The following RELB variants were observed in gnomAD, a reference collection of about 807,000 sequenced individuals.
RELB encodes the protein transcription factor RelB.
A neutral mutation model predicts 55.4 loss-of-function variants in RELB; 14 were observed. The observed-to-expected ratio is 0.25, with a 90% CI of 0.17 to 0.40. The LOEUF (loss-of-function observed/expected upper bound fraction) is 0.40, where lower values mean the gene tolerates loss of function less well. Among genes scored for constraint, RELB ranks in the 10% least tolerant of loss-of-function variants. The probability of loss-of-function intolerance (pLI) is 1.00; values close to 1 mark genes in which losing one functional copy is unlikely to be tolerated. For synonymous variants in RELB, 409 were observed against 371.3 expected, an observed-to-expected ratio of 1.10 and a Z score of -1.17; for missense variants, 669 against 830.7, an observed-to-expected ratio of 0.81 and a Z score of 2.39.
chr19:45,024,092 C>T (rs565080276), intron 5 of RELB, among the ~76,000 whole-genome samples: 2 of 151,312 alleles, frequency 1.3e-5, no homozygotes, highest in Non-Finnish European at 2.9e-5. Flanking sequence ...CCACCCGCCT[C>T]GGCCTCCCAA....
Position 45,022,418 on chromosome 19 carries a change from T to G in RELB, c.662+208T>G, listed in dbSNP as rs567101000. On this transcript the variant is annotated intron_variant, in intron 5 of 11. Coordinates refer to ENST00000221452, the MANE Select transcript of RELB (RefSeq NM_006509.4). Reference sequence around the variant, plus strand: ...CACATATTCACATACATTTTATCCCTATTTTGTAGAGGAAGAAACTGAGGC... The same window carrying G: ...CACATATTCACATACATTTTATCCCGATTTTGTAGAGGAAGAAACTGAGGC... Among the ~76,000 whole-genome samples the G allele has an allele frequency of 1.5e-3, 222 of 152,202 alleles. 2 individuals are homozygous for G. The highest frequency in any genetic ancestry group is 5.0e-3 in the African/African-American group (208 of 41,546).
At chr19:45,019,286 C>T (rs1337472660) in intron 4 of RELB, among the ~76,000 whole-genome samples, 3 of 152,044 alleles carry the variant, frequency 2.0e-5, no homozygotes, top group Non-Finnish European at 4.4e-5. Context: ...TGGTCTTGAA[C>T]TCCTGTGCTG....
intron 5 of RELB, among the ~76,000 whole-genome samples, chr19:45,023,590 A>G (rs577753140): frequency 1.8e-4 from 27 of 150,934 alleles, no homozygotes; most frequent in African/African-American, 6.6e-4. Flanking sequence ...GGCGCCCACC[A>G]CCACACCCGG....
At position 45,011,793 on chromosome 19, in the gene RELB, TGTGTGAGAGAGA is replaced by T. The variant is rs1971357277; in HGVS notation, c.164-141_164-130del. The stretch of plus-strand genomic sequence containing the variant: ...GTGTGTGTGTGTGTGTGTGTGTGTG[TGTGTGAGAGAGA>T]GAGAGAGAGAGAGAGAGAGAGAGAG... On this transcript the variant is annotated intron_variant, in intron 3 of 11. Coordinates refer to ENST00000221452, the MANE Select transcript of RELB (RefSeq NM_006509.4). 1.3e-5 allele frequency: 3 copies of T among 228,078 alleles called. No individual in the cohort carries two copies. The African/African-American group carries it at 1.9e-4, about 14-fold the overall frequency. The allele number at this position is 228,078 out of a possible 1,614,324, so 14.1% of individuals were successfully genotyped here.
rs1239606493 is a variant in RELB at position 45,037,485 on chromosome 19, C to T, written c.1435C>T (p.Pro479Ser). The T allele has an allele frequency of 1.2e-6, 2 of 1,612,026 alleles. No individual in the cohort carries two copies. The highest frequency in any genetic ancestry group is 2.2e-5 in the East Asian group (1 of 44,846). Residue 479 changes from proline (P) to serine (S), a missense_variant, in exon 12 of 12, where the codon CCT (proline) becomes TCT (serine). This residue lies in a region of RELB where 341 missense variants were observed against 436.8 expected (regional missense o/e 0.78). Coordinates refer to ENST00000221452, the MANE Select transcript of RELB (RefSeq NM_006509.4). ...GTVSLPGLEP[P>S]GGPDLLDDGF... ...CGTGTCCCTGCCCGGCCTGGAGCCC[C>T]CTGGCGGGCCTGACCTCCTGGACGA...
chr19:45,023,676 G>A (rs193167568), intron 5 of RELB, among the ~76,000 whole-genome samples: 1,570 of 148,976 alleles, frequency 0.011, 22 homozygotes, highest in African/African-American at 0.036. Context: ...CTGACCTCGT[G>A]ATCCGCCCGC....
At chr19:45,015,488 A>T (rs1971410581) in intron 4 of RELB, among the ~76,000 whole-genome samples, 1 of 152,054 alleles carries the variant, frequency 6.6e-6, no homozygotes, top group Non-Finnish European at 1.5e-5. Context: ...TGATCCCAGC[A>T]CCTTGGGAGA....
chr19:45,006,014 C>T (rs558457633), intron 2 of RELB, among the ~76,000 whole-genome samples: 12 of 152,332 alleles, frequency 7.9e-5, no homozygotes, highest in African/African-American at 2.6e-4. Context: ...TGTACCTGGC[C>T]TTGTGCCGAG....
At position 45,037,787 on chromosome 19, in the gene RELB, G is replaced by C; in HGVS notation, c.1737G>C (p.Thr579=). The change falls in exon 12 of 12, where the codon ACG becomes ACC. Residue 579 remains threonine, a synonymous_variant. Coordinates refer to ENST00000221452, the MANE Select transcript of RELB (RefSeq NM_006509.4). ...TCCTATCCCCGGGGCCTGAAGCCAC[G>C]TAGCCCCGCGATGCCAGAGGAGGGG... ...GGLLSPGPEA[T] is the part of the protein sequence containing the mutation. The C allele has an allele frequency of 6.7e-7, 1 of 1,482,010 alleles. No homozygotes were observed. Among genetic ancestry groups the C allele is most frequent in the Non-Finnish European group, 8.9e-7 (1 of 1,119,678 alleles). The allele number at this position is 1,482,010 out of a possible 1,614,324, so 91.8% of individuals were successfully genotyped here.
intron 7 of RELB, among the ~76,000 whole-genome samples, chr19:45,027,373 A>T (rs991418576): frequency 2.0e-5 from 3 of 152,068 alleles, no homozygotes; most frequent in African/African-American, 7.2e-5. Context: ...GGCCTCAGTG[A>T]TGTCATTAGA....
chr19:45,012,824 G>A (rs1358018673), intron 4 of RELB, among the ~76,000 whole-genome samples: 1 of 151,832 alleles, frequency 6.6e-6, no homozygotes, highest in Non-Finnish European at 1.5e-5. Context: ...CGAGGCGAGC[G>A]GATCACTCGA....
chr19:45,034,425 G>A (rs1372652879), intron 10 of RELB, 26 bp from the exon 11 acceptor site: 1 of 1,610,954 alleles, frequency 6.2e-7, no homozygotes, highest in African/African-American at 1.3e-5. Flanking sequence ...CGGGGAACAG[G>A]GGTCCTCATC....
intron 1 of RELB, 60 bp downstream of exon 1, chr19:45,001,745 TG>T: frequency 8.5e-7 from 1 of 1,177,764 alleles, no homozygotes; most frequent in Non-Finnish European, 1.2e-6. Context: ...GCGGGGATTC[TG>T]GCGGTCCCGG....
intron 2 of RELB, chr19:45,003,674 C>T (rs192935718): frequency 2.5e-4 from 126 of 503,602 alleles, no homozygotes; most frequent in African/African-American, 2.2e-3. Context: ...GTTCAGGCCT[C>T]AGTTTTCCTC....
intron 1 of RELB, 115 bp from the exon 2 acceptor site, chr19:45,002,834 G>A (rs938829878): frequency 1.8e-5 from 14 of 799,754 alleles, no homozygotes; most frequent in African/African-American, 1.4e-4. Flanking sequence ...TCAGGGCGAG[G>A]GGCCTGATCC....
At chr19:45,028,258 G>A (rs34502301) in intron 7 of RELB, among the ~76,000 whole-genome samples, 1,645 of 152,008 alleles carry the variant, frequency 0.011, 25 homozygotes, top group African/African-American at 0.038. Flanking sequence ...CTGGCCTCAC[G>A]TGATCTTCCT....
At chr19:45,015,083 A>G (rs1971406821) in intron 4 of RELB, among the ~76,000 whole-genome samples, 1 of 151,632 alleles carries the variant, frequency 6.6e-6, no homozygotes, top group South Asian at 2.1e-4. Context: ...TTGTATTTTT[A>G]GTAGAGACAG....
At chr19:45,006,290 C>T (rs1037306834) in intron 2 of RELB, among the ~76,000 whole-genome samples, 30 of 152,194 alleles carry the variant, frequency 2.0e-4, no homozygotes, top group African/African-American at 6.7e-4. Flanking sequence ...CTGCAACCTC[C>T]GACTCCCGGG....
intron 11 of RELB, 135 bp from the exon 12 acceptor site, chr19:45,037,270 A>T: frequency 1.0e-6 from 1 of 953,892 alleles, no homozygotes; most frequent in Non-Finnish European, 1.5e-6. Flanking sequence ...TGACAGAATG[A>T]GACTCCATCT....
Sources: allele counts gnomAD v4.1 joint callset (sites outside exome capture counted in the v4.1 genomes callset), GRCh38; gene constraint gnomAD v4.1.1; regional missense constraint gnomAD v4.1.1; transcripts MANE v1.5; gene names NCBI Gene and HGNC (gene_info 2026-07-23, HGNC 2026-07-21).